Variants in VWC2 observed in about 807,000 individuals in gnomAD.
The protein encoded by VWC2 is von Willebrand factor C domain containing 2, also known as brorin.
A neutral mutation model predicts 29.8 loss-of-function variants in VWC2; 14 were observed. That is an observed-to-expected ratio of 0.47 (90% CI 0.31 to 0.74). The LOEUF (loss-of-function observed/expected upper bound fraction) is 0.74. VWC2 is among the 30% of genes least tolerant of loss of function. The probability of loss-of-function intolerance (pLI) is 0.05; values close to 1 mark genes in which losing one functional copy is unlikely to be tolerated. For synonymous variants in VWC2, 213 were observed against 199.0 expected (o/e 1.07, Z -0.59); for missense variants, 457 against 459.8 (o/e 0.99, Z 0.05).
chr7:49,800,579 C>T (rs886856033), intron 2 of VWC2, among the ~76,000 whole-genome samples: 1 of 152,060 alleles, frequency 6.6e-6, no homozygotes, highest in Non-Finnish European at 1.5e-5. Flanking sequence ...TGTTCTGGCT[C>T]TCCATCATGT....
chr7:49,836,638 C>CAATA (rs3062195), intron 3 of VWC2, among the ~76,000 whole-genome samples: 2,835 of 145,416 alleles, frequency 0.019, 52 homozygotes, highest in African/African-American at 0.042. Flanking sequence ...GACTCCATCT[C>CAATA]AATAAATAAA....
intron 2 of VWC2, among the ~76,000 whole-genome samples, chr7:49,795,896 A>G (rs1788577626): frequency 6.6e-6 from 1 of 152,052 alleles, no homozygotes; most frequent in Admixed American, 6.6e-5. Context: ...GGGGTTAAGA[A>G]CCTCAGTGAT....
chr7:49,874,548 ATGTGTG>A (rs3062201), intron 3 of VWC2, among the ~76,000 whole-genome samples: 4 of 147,638 alleles, frequency 2.7e-5, no homozygotes, highest in East Asian at 3.9e-4. Flanking sequence ...ATGACTATAT[ATGTGTG>A]TGTGTGTGTG....
chr7:49,915,611 A>T lies in VWC2; in HGVS notation c.*3426A>T, dbSNP rs1793675709. 6.6e-6 allele frequency: 1 copy of T among 152,202 alleles called. No individual in the cohort carries two copies. Among genetic ancestry groups the T allele is most frequent in the South Asian group, 2.1e-4 (1 of 4,824 alleles). 9.4% of individuals were successfully genotyped at this position (152,202 alleles called of 1,614,324 possible). On this transcript the variant is annotated 3_prime_UTR_variant, in exon 4 of 4. Transcript: ENST00000340652. Reference sequence around the variant, plus strand: ...ATACATTATCTGAAACTTACAAAATATACACTGTTTCAAACAAGCATTGTT... The same window carrying T: ...ATACATTATCTGAAACTTACAAAATTTACACTGTTTCAAACAAGCATTGTT...
chr7:49,873,419 C>T (rs1229709957), intron 3 of VWC2, among the ~76,000 whole-genome samples: 1 of 152,126 alleles, frequency 6.6e-6, no homozygotes, highest in African/African-American at 2.4e-5. Context: ...AGTGCTCCAC[C>T]CTCATGAACT....
At chr7:49,822,284 T>C (rs962756854) in intron 3 of VWC2, among the ~76,000 whole-genome samples, 1 of 152,202 alleles carries the variant, frequency 6.6e-6, no homozygotes, top group Non-Finnish European at 1.5e-5. Flanking sequence ...GTAGTGTTTT[T>C]AGTTTCTTCT....
chr7:49,878,303 T>C (rs1360290840), intron 3 of VWC2, among the ~76,000 whole-genome samples: 1 of 152,148 alleles, frequency 6.6e-6, no homozygotes, highest in East Asian at 1.9e-4. Context: ...TGCTCACATA[T>C]TTATGATTGT....
chr7:49,784,740 T>A (rs1243001885), intron 2 of VWC2, among the ~76,000 whole-genome samples: 1 of 152,184 alleles, frequency 6.6e-6, no homozygotes, highest in East Asian at 1.9e-4. Context: ...CCCTGTGTGG[T>A]CTGCAAAGTC....
At chr7:49,906,293 A>C (rs1793084175) in intron 3 of VWC2, among the ~76,000 whole-genome samples, 1 of 152,194 alleles carries the variant, frequency 6.6e-6, no homozygotes, top group Non-Finnish European at 1.5e-5. Flanking sequence ...AATTCAAAAA[A>C]GAACAAAGAG....
chr7:49,789,413 A>C (rs1788413680), intron 2 of VWC2, among the ~76,000 whole-genome samples: 1 of 147,358 alleles, frequency 6.8e-6, no homozygotes. Context: ...TCATTGCATT[A>C]ACATTTCCCC....
Position 49,915,032 on chromosome 7 carries a change from T to C in VWC2, c.*2847T>C, listed in dbSNP as rs1793641988. On this transcript the variant is annotated 3_prime_UTR_variant, in exon 4 of 4. Transcript: ENST00000340652. ...CAACCCATATTTAGATCTGAAAGTA[T>C]AAAGCTACTTATGTAAGCAATAGAA... The C allele has an allele frequency of 6.6e-6, 1 of 152,246 alleles. No individual in the cohort carries two copies. Among genetic ancestry groups the C allele is most frequent in the Non-Finnish European group, 1.5e-5 (1 of 68,042 alleles). 9.4% of individuals were successfully genotyped at this position (152,246 alleles called of 1,614,324 possible). A position where few individuals can be genotyped will look rare whatever the true frequency, so the allele number is the denominator to read the frequency against.
At chr7:49,778,915 G>A (rs1443412804) in intron 2 of VWC2, among the ~76,000 whole-genome samples, 3 of 152,254 alleles carry the variant, frequency 2.0e-5, no homozygotes, top group African/African-American at 7.2e-5. Flanking sequence ...TTGTGGTACA[G>A]TCGGGTCATG....
intron 3 of VWC2, among the ~76,000 whole-genome samples, chr7:49,890,507 T>C (rs1366972657): frequency 6.6e-6 from 1 of 152,180 alleles, no homozygotes; most frequent in Non-Finnish European, 1.5e-5. Flanking sequence ...AACTATAGAA[T>C]CATAACACCT....
intron 3 of VWC2, among the ~76,000 whole-genome samples, chr7:49,823,655 GGT>G (rs1471396199): frequency 2.0e-5 from 3 of 152,148 alleles, no homozygotes; most frequent in Non-Finnish European, 4.4e-5. Flanking sequence ...AAGTAGATGT[GGT>G]GGTGGCTTAG....
intron 3 of VWC2, among the ~76,000 whole-genome samples, chr7:49,897,117 G>A (rs1297762943): frequency 2.6e-5 from 4 of 151,612 alleles, no homozygotes; most frequent in Admixed American, 6.6e-5. Context: ...GGATGGTCTC[G>A]ATCTCCTGAC....
rs974234368 is a variant in VWC2, at chr7:49,775,958, G to C, written c.523G>C (p.Ala175Pro). ...IGEKFAPGPS[A>P]CPCLCTEEGP... ...GGAGAAGTTCGCGCCGGGCCCCTCG[G>C]CCTGCCCGTGCCTGTGCACCGAGGA... Residue 175 changes from alanine (A) to proline (P), a missense_variant, in exon 2 of 4, where the codon GCC becomes CCC. Around this residue, in one of 2 missense-constraint regions of VWC2, gnomAD observed 185 missense variants for 257.1 expected, o/e 0.72. Coordinates refer to ENST00000340652, the MANE Select transcript of VWC2 (RefSeq NM_198570.5). The C allele has an allele frequency of 6.5e-7, 1 of 1,549,424 alleles. No individual in the cohort carries two copies. The highest frequency in any genetic ancestry group is 1.2e-5 in the South Asian group (1 of 84,498).
In VWC2 at chr7:49,775,827, T is replaced by A; in HGVS notation, c.392T>A (p.Ile131Asn). ...EALAAAAQDA[I>N]GPELAPTPEP... The stretch of plus-strand genomic sequence containing the variant: ...CTGGCCGCAGCCGCCCAGGACGCGA[T>A]TGGCCCGGAACTCGCGCCCACGCCC... Residue 131 changes from isoleucine (I) to asparagine (N), a missense_variant, in exon 2 of 4, where the codon ATT becomes AAT. Physicochemically the swap from Ile to Asn is moderately radical, Grantham distance 149 (BLOSUM62 -3). Transcript: ENST00000340652. 6.5e-7 allele frequency: 1 copy of A among 1,546,296 alleles called. No homozygotes were observed. The highest frequency in any genetic ancestry group is 1.7e-4 in the Middle Eastern group (1 of 5,976).
chr7:49,813,198 A>T (rs1488825374), intron 3 of VWC2, among the ~76,000 whole-genome samples: 1 of 152,220 alleles, frequency 6.6e-6, no homozygotes, highest in African/African-American at 2.4e-5. Context: ...CTGAAAATGC[A>T]GGGAGAATGA....
intron 3 of VWC2, among the ~76,000 whole-genome samples, chr7:49,890,757 C>T (rs1792094246): frequency 6.6e-6 from 1 of 151,464 alleles, no homozygotes; most frequent in Non-Finnish European, 1.5e-5. Context: ...GATTTGAAAG[C>T]ATGAGAGAAC....
Sources: gnomAD v4.1 joint callset for allele counts (sites outside exome capture counted in the v4.1 genomes callset) on GRCh38, gnomAD v4.1.1 for gene constraint, gnomAD v4.1.1 regional missense constraint, MANE v1.5 for transcripts, NCBI Gene and HGNC (gene_info 2026-07-23, HGNC 2026-07-21) for gene names.